Variants in LOXL2 observed in about 807,000 individuals in gnomAD.
LOXL2 encodes the protein lysyl oxidase homolog 2.
Under a neutral mutation model 93.0 loss-of-function variants are expected in LOXL2, and 70 were observed. The observed-to-expected ratio is 0.75, with a 90% CI of 0.62 to 0.92. The LOEUF is 0.92. LOXL2 is among the 40% of genes least tolerant of loss of function. The probability of loss-of-function intolerance (pLI) is 0.00; values close to 1 mark genes in which losing one functional copy is unlikely to be tolerated. For missense variants in LOXL2, 973 were observed against 1,054.9 expected (o/e 0.92, Z 1.08); for synonymous variants, 438 against 413.2 (o/e 1.06, Z -0.73).
chr8:23,298,745 T>C (rs1012857709), intron 13 of LOXL2, 91 bp downstream of exon 13: 13 of 763,394 alleles, frequency 1.7e-5, no homozygotes, highest in Non-Finnish European at 2.8e-5. Context: ...TTCCCCGAGC[T>C]CTTTACCCAA....
chr8:23,392,131 A>G (rs533948466), intron 1 of LOXL2, among the ~76,000 whole-genome samples: 27 of 152,300 alleles, frequency 1.8e-4, no homozygotes, highest in African/African-American at 6.5e-4. Flanking sequence ...TGCTTGTCCT[A>G]TGACAGCCAA....
At chr8:23,367,907 T>G in intron 2 of LOXL2, 90 bp downstream of exon 2, 1 of 1,037,704 alleles carries the variant, frequency 9.6e-7, no homozygotes, top group Non-Finnish European at 1.4e-6. Flanking sequence ...TCGCAGTGCG[T>G]GCAGCCTCCT....
intron 11 of LOXL2, 80 bp downstream of exon 11, chr8:23,303,202 G>C: frequency 1.1e-6 from 1 of 878,842 alleles, no homozygotes; most frequent in Non-Finnish European, 1.9e-6. Context: ...TGCCAGGCCT[G>C]GGCTCCAGCC....
chr8:23,382,304 T>A (rs1804691291), intron 1 of LOXL2: 1 of 151,898 alleles, frequency 6.6e-6, no homozygotes, highest in African/African-American at 2.4e-5. Context: ...GATCACGACG[T>A]CAGGAGTTCA....
intron 1 of LOXL2, among the ~76,000 whole-genome samples, chr8:23,372,557 T>TA (rs1326071906): frequency 2.6e-5 from 4 of 152,126 alleles, no homozygotes; most frequent in Admixed American, 2.6e-4. Flanking sequence ...CACAGAGGCT[T>TA]AATGTAAAAG....
chr8:23,383,668 T>G (rs1275286488), intron 1 of LOXL2, among the ~76,000 whole-genome samples: 7 of 107,386 alleles, frequency 6.5e-5, no homozygotes, highest in East Asian at 6.3e-4. Flanking sequence ...TTTTTTTTTT[T>G]TTTTTTTTTT....
rs574927249 is a variant in LOXL2, at chr8:23,395,083, G to A, written c.-84+8871C>T. ...ATCCTGGCCAACATGGTGAAACCCC[G>A]TCTCTACTAAAAATACAAAAATTAG... On this transcript the variant is annotated intron_variant, in intron 1 of 13. Transcript: ENST00000389131. Among the ~76,000 whole-genome samples the A allele has an allele frequency of 6.6e-5, 10 of 152,124 alleles. No individual in the cohort carries two copies. The East Asian group carries it at 9.7e-4, about 15-fold the overall frequency.
chr8:23,346,101 TAAAA>T lies in LOXL2; in HGVS notation c.532-4902_532-4899del, dbSNP rs1414077952. On this transcript the variant is annotated intron_variant, in intron 3 of 13. Transcript: ENST00000389131. ...AATAAAATAATAAAATAAAATAAAA[TAAAA>T]TAAAATAAAATTAAAATAAAATAAA... Among the ~76,000 whole-genome samples the T allele has an allele frequency of 1.6e-4, 11 of 66,870 alleles. No individual in the cohort carries two copies. In the East Asian group the frequency reaches 2.4e-3, roughly 15 times the overall value. The allele number at this position is 66,870 out of a possible 152,430, so 43.9% of individuals were successfully genotyped here. A position where few individuals can be genotyped will look rare whatever the true frequency, so the allele number is the denominator to read the frequency against.
At chr8:23,339,047 C>T (rs367987500) in intron 4 of LOXL2, among the ~76,000 whole-genome samples, 2 of 152,316 alleles carry the variant, frequency 1.3e-5, no homozygotes, top group South Asian at 2.1e-4. Flanking sequence ...CTTATCATTC[C>T]CTAGGAGTCC....
chr8:23,315,366 A>G (rs1429286776), intron 9 of LOXL2, among the ~76,000 whole-genome samples: 1 of 152,168 alleles, frequency 6.6e-6, no homozygotes, highest in East Asian at 1.9e-4. Flanking sequence ...GAATACTCTA[A>G]CGTGCATTTA....
At chr8:23,307,339 G>GA (rs1803245128) in intron 10 of LOXL2, among the ~76,000 whole-genome samples, 1 of 152,162 alleles carries the variant, frequency 6.6e-6, no homozygotes, top group Non-Finnish European at 1.5e-5. Flanking sequence ...TGTGGACCAG[G>GA]AGGGGGAGAC....
intron 9 of LOXL2, among the ~76,000 whole-genome samples, chr8:23,310,122 C>T (rs1051720671): frequency 5.3e-5 from 8 of 152,326 alleles, no homozygotes; most frequent in East Asian, 1.9e-4. Context: ...CTTCAGTTAT[C>T]GGTGCAGATG....
chr8:23,376,683 C>T (rs11993009), intron 1 of LOXL2, among the ~76,000 whole-genome samples: 3 of 151,938 alleles, frequency 2.0e-5, no homozygotes, highest in African/African-American at 7.3e-5. Context: ...TGTATGTGTC[C>T]AGGAATTTAT....
At chr8:23,389,821 G>A (rs60630206) in intron 1 of LOXL2, among the ~76,000 whole-genome samples, 21,533 of 152,068 alleles carry the variant, frequency 0.14, 1,881 homozygotes, top group African/African-American at 0.25. Flanking sequence ...CAGGCCCCCA[G>A]TAAATAGGGA....
chr8:23,388,403 T>C (rs1053484099), intron 1 of LOXL2, among the ~76,000 whole-genome samples: 6 of 151,962 alleles, frequency 3.9e-5, no homozygotes, highest in African/African-American at 1.5e-4. Flanking sequence ...CATAGGGAGA[T>C]CCTGTCTCTA....
intron 5 of LOXL2, among the ~76,000 whole-genome samples, chr8:23,331,067 C>A (rs1235436328): frequency 6.6e-6 from 1 of 152,120 alleles, no homozygotes; most frequent in African/African-American, 2.4e-5. Context: ...AAATCTCCAC[C>A]AAGCCTGGGA....
intron 5 of LOXL2, among the ~76,000 whole-genome samples, chr8:23,330,889 G>C (rs531834554): frequency 2.6e-5 from 4 of 152,078 alleles, no homozygotes; most frequent in Admixed American, 2.0e-4. Context: ...ACATATGATG[G>C]TGTGGTCCCC....
At chr8:23,369,378 G>A (rs1455801443) in intron 1 of LOXL2, among the ~76,000 whole-genome samples, 2 of 152,156 alleles carry the variant, frequency 1.3e-5, no homozygotes, top group East Asian at 3.8e-4. Context: ...GAGCACACGT[G>A]TGTCTTGTGG....
rs1335517670 is a variant in LOXL2, at chr8:23,297,595, AAATGACCT to A, written c.*440_*447del. 1 of 159,322 alleles carries A rather than the reference AAATGACCT, an allele frequency of 6.3e-6. No individual in the cohort carries two copies. Among genetic ancestry groups the A allele is most frequent in the East Asian group, 1.8e-4 (1 of 5,474 alleles). 9.9% of individuals were successfully genotyped at this position (159,322 alleles called of 1,614,324 possible). A position where few individuals can be genotyped will look rare whatever the true frequency, so the allele number is the denominator to read the frequency against. ...AGGTCTAGATATTCAAGTTTGCTGA[AAATGACCT>A]AAGAGGAGGAGAAATGGGGTTCGGC... On this transcript the variant is annotated 3_prime_UTR_variant, in exon 14 of 14. Coordinates refer to ENST00000389131, the MANE Select transcript of LOXL2 (RefSeq NM_002318.3).
Sources: gnomAD v4.1 joint callset for allele counts (sites outside exome capture counted in the v4.1 genomes callset) on GRCh38, gnomAD v4.1.1 for gene constraint, MANE v1.5 for transcripts, NCBI Gene and HGNC (gene_info 2026-07-23, HGNC 2026-07-21) for gene names.